Variants in DLEC1 observed in about 807,000 individuals in gnomAD.
The protein encoded by DLEC1 is DLEC1 cilia and flagella associated protein.
DLEC1 carries 146 observed loss-of-function variants against 198.1 expected under a neutral mutation model. The ratio of observed to expected loss-of-function variants is 0.74; its 90% confidence interval spans 0.64 to 0.85. The LOEUF is 0.85. Among genes scored for constraint, DLEC1 ranks in the 40% least tolerant of loss-of-function variants. The probability of loss-of-function intolerance (pLI) is 0.00; values close to 1 mark genes in which losing one functional copy is unlikely to be tolerated. For missense variants in DLEC1, 2,233 were observed against 2,220.0 expected (o/e 1.01, Z -0.12); for synonymous variants, 897 against 866.8 (o/e 1.03, Z -0.61).
chr3:38,084,398 AGTAGTG>A (rs1168118631), intron 7 of DLEC1, among the ~76,000 whole-genome samples, 153 bp downstream of exon 7: 5 of 132,868 alleles, frequency 3.8e-5, no homozygotes, highest in East Asian at 2.1e-4. Context: ...TGGTAGTAGT[AGTAGTG>A]GTGGTGGTAG....
intron 6 of DLEC1, among the ~76,000 whole-genome samples, chr3:38,074,472 G>A (rs1268557278): frequency 3.3e-5 from 5 of 152,234 alleles, no homozygotes; most frequent in East Asian, 1.9e-4. Context: ...CTGCTTAAGC[G>A]GGCCATGAAC....
intron 12 of DLEC1, among the ~76,000 whole-genome samples, chr3:38,094,153 A>T (rs734017): frequency 0.015 from 2,250 of 152,174 alleles, 23 homozygotes; most frequent in Non-Finnish European, 0.024. Context: ...AGGACATACC[A>T]TGCCTGTGTA....
chr3:38,083,572 G>A (rs1287113532), intron 6 of DLEC1, among the ~76,000 whole-genome samples: 2 of 151,596 alleles, frequency 1.3e-5, no homozygotes, highest in Non-Finnish European at 2.9e-5. Flanking sequence ...GCAAGGACCA[G>A]CCATTTACAC....
chr3:38,106,730 T>C (rs1215789764), intron 19 of DLEC1, among the ~76,000 whole-genome samples: 1 of 126,418 alleles, frequency 7.9e-6, no homozygotes. Context: ...CACCCCAGCC[T>C]GGGTGACAGA....
At chr3:38,075,184 G>A (rs2125642831) in intron 6 of DLEC1, among the ~76,000 whole-genome samples, 1 of 152,254 alleles carries the variant, frequency 6.6e-6, no homozygotes, top group Non-Finnish European at 1.5e-5. Context: ...GAGGGGGCAG[G>A]CGGGAAGGAA....
intron 19 of DLEC1, among the ~76,000 whole-genome samples, chr3:38,101,837 T>C (rs1232773592): frequency 6.6e-6 from 1 of 152,216 alleles, no homozygotes; most frequent in Non-Finnish European, 1.5e-5. Flanking sequence ...ATGTGAAGGC[T>C]AAGTCTGCCT....
intron 2 of DLEC1, among the ~76,000 whole-genome samples, chr3:38,048,962 C>T (rs1453097599): frequency 6.6e-6 from 1 of 152,132 alleles, no homozygotes; most frequent in African/African-American, 2.4e-5. Flanking sequence ...AGCAAATGTC[C>T]AGAGTCTTTA....
Position 38,049,074 on chromosome 3 carries a change from T to TTG in DLEC1, c.562+3382_562+3383insGT, listed in dbSNP as rs386396378. ...GAGATTAAATAATTAACTATTTGGG[T>TTG]TTTTTTTTTTAATGAAAGTGAAATA... On this transcript the variant is annotated intron_variant, in intron 2 of 36. Transcript: ENST00000308059. 9.3e-3 allele frequency among the ~76,000 whole-genome samples: 458 copies of TTG among 48,990 alleles called. 4 individuals are homozygous for TTG. The highest frequency in any genetic ancestry group is 0.053 in the African/African-American group (437 of 8,262). The allele number at this position is 48,990 out of a possible 152,430, so 32.1% of individuals were successfully genotyped here.
At chr3:38,096,495 G>A (rs1345311472) in intron 14 of DLEC1, 74 bp from the exon 15 acceptor site, 30 of 1,518,528 alleles carry the variant, frequency 2.0e-5, no homozygotes, top group Non-Finnish European at 2.3e-5. Flanking sequence ...GCCAAACGTG[G>A]GACAGAGGCA....
rs1171050577 is a variant in DLEC1 at position 38,084,254 on chromosome 3, A to G, written c.1261+9A>G. 1 of 1,608,548 alleles carries G rather than the reference A, an allele frequency of 6.2e-7. No homozygotes were observed. Among genetic ancestry groups the G allele is most frequent in the Admixed American group, 1.7e-5 (1 of 59,864 alleles). On this transcript the variant is annotated intron_variant, in intron 7 of 36. Coordinates refer to ENST00000308059, the MANE Select transcript of DLEC1 (RefSeq NM_007335.4). ...CTTCGCTCTGGGACTGGGTAAGTTC[A>G]GTATTTGTAAGTTCATTAGTAGTAG...
rs367874313 is a variant in DLEC1, at chr3:38,071,344, T to C, written c.1173+7425T>C. The stretch of plus-strand genomic sequence containing the variant: ...GTTCAGCGCAATTACTTGCTTGGTT[T>C]AGAAGTGATCTCCTTGAGGATAGAT... On this transcript the variant is annotated intron_variant, in intron 6 of 36. Transcript: ENST00000308059. Among the ~76,000 whole-genome samples the C allele has an allele frequency of 1.1e-4, 17 of 152,340 alleles. No homozygotes were observed. In the East Asian group the frequency reaches 2.5e-3, roughly 22 times the overall value.
chr3:38,040,335 C>A (rs1700595937), intron 1 of DLEC1, among the ~76,000 whole-genome samples: 1 of 152,160 alleles, frequency 6.6e-6, no homozygotes, highest in Non-Finnish European at 1.5e-5. Context: ...TGAATGTCTG[C>A]TGGGTGTCAT....
intron 7 of DLEC1, among the ~76,000 whole-genome samples, chr3:38,084,458 A>AGTGGTG (rs1559430285): frequency 2.1e-3 from 1 of 474 alleles, no homozygotes; most frequent in Non-Finnish European, 4.2e-3. Flanking sequence ...TGGTGGTAGT[A>AGTGGTG]GTAATAGTAG....
chr3:38,074,704 A>C (rs1697511126), intron 6 of DLEC1, among the ~76,000 whole-genome samples: 2 of 152,230 alleles, frequency 1.3e-5, no homozygotes, highest in Non-Finnish European at 2.9e-5. Context: ...GGTTATCAGC[A>C]TGAGATTGGG....
intron 14 of DLEC1, 105 bp from the exon 15 acceptor site, chr3:38,096,464 C>A: frequency 1.5e-6 from 2 of 1,350,278 alleles, no homozygotes; most frequent in Non-Finnish European, 2.0e-6. Context: ...GTGGGTTAGG[C>A]AGTGTTTTTT....
intron 6 of DLEC1, among the ~76,000 whole-genome samples, chr3:38,078,200 C>G (rs1215400798): frequency 2.0e-5 from 3 of 152,024 alleles, no homozygotes. Context: ...TGGGACTTAA[C>G]AAAGAGTGAG....
intron 1 of DLEC1, among the ~76,000 whole-genome samples, chr3:38,045,172 G>A (rs1005320178): frequency 1.3e-5 from 2 of 152,220 alleles, no homozygotes; most frequent in Non-Finnish European, 2.9e-5. Context: ...TGAAGGGGCT[G>A]TCTGCTGACG....
At chr3:38,100,068 A>T (rs867252748) in intron 18 of DLEC1, among the ~76,000 whole-genome samples, 1 of 152,042 alleles carries the variant, frequency 6.6e-6, no homozygotes, top group South Asian at 2.1e-4. Context: ...CCTCTGACTT[A>T]TGTATTCCTT....
At chr3:38,120,760 CT>C in intron 34 of DLEC1, 151 bp downstream of exon 34, 2 of 1,150,622 alleles carry the variant, frequency 1.7e-6, no homozygotes, top group South Asian at 1.6e-5. Context: ...AGAAGAGGCC[CT>C]GTGTGCAGAG....
Sources: allele counts gnomAD v4.1 joint callset (sites outside exome capture counted in the v4.1 genomes callset), GRCh38; gene constraint gnomAD v4.1.1; transcripts MANE v1.5; gene names NCBI Gene and HGNC (gene_info 2026-07-23, HGNC 2026-07-21).